HCRTR2: variants seen among roughly 807,000 people sequenced by gnomAD.
The protein encoded by HCRTR2 is hypocretin receptor 2.
A neutral mutation model predicts 49.0 loss-of-function variants in HCRTR2; 22 were observed. The observed-to-expected ratio is 0.45, with a 90% CI of 0.32 to 0.64. The LOEUF (loss-of-function observed/expected upper bound fraction) is 0.64. Ranked by LOEUF, HCRTR2 falls within the 30% of genes least tolerant of loss-of-function variation. HCRTR2 has a pLI of 0.04. For synonymous variants in HCRTR2, 236 were observed against 205.3 expected (o/e 1.15, Z -1.28); for missense variants, 491 against 559.4 (o/e 0.88, Z 1.23).
intron 1 of HCRTR2, among the ~76,000 whole-genome samples, chr6:55,117,619 A>G (rs1407246917): frequency 2.6e-5 from 4 of 151,348 alleles, no homozygotes; most frequent in Admixed American, 2.0e-4. Flanking sequence ...AACTATAATC[A>G]CCCTATTGTG....
chr6:55,192,409 GCGCGCACACA>G (rs1483183084), intron 1 of HCRTR2, among the ~76,000 whole-genome samples: 6,944 of 113,896 alleles, frequency 0.061, 199 homozygotes, highest in African/African-American at 0.12. Flanking sequence ...ACACGCGCGC[GCGCGCACACA>G]CACACACACA....
intron 1 of HCRTR2, among the ~76,000 whole-genome samples, chr6:55,237,083 T>C (rs1413374023): frequency 6.6e-6 from 1 of 152,152 alleles, no homozygotes; most frequent in Non-Finnish European, 1.5e-5. Flanking sequence ...TCTTTCTTTC[T>C]GTTAAATCTC....
chr6:55,212,277 C>T (rs1440100237), intron 1 of HCRTR2, among the ~76,000 whole-genome samples: 1 of 152,138 alleles, frequency 6.6e-6, no homozygotes, highest in Non-Finnish European at 1.5e-5. Context: ...TTGGAAATGA[C>T]TCCAAAGTAA....
At chr6:55,266,726 T>C (rs1766867461) in intron 4 of HCRTR2, among the ~76,000 whole-genome samples, 1 of 152,164 alleles carries the variant, frequency 6.6e-6, no homozygotes, top group South Asian at 2.1e-4. Context: ...TTTTACATGG[T>C]AAAACTTTAC....
chr6:55,235,047 A>G (rs1413937611), intron 1 of HCRTR2, among the ~76,000 whole-genome samples: 1 of 152,186 alleles, frequency 6.6e-6, no homozygotes, highest in Non-Finnish European at 1.5e-5. Context: ...TACAAACATA[A>G]TCATAAGTGA....
chr6:55,212,162 TA>T (rs1473531318), intron 1 of HCRTR2, among the ~76,000 whole-genome samples: 1 of 152,232 alleles, frequency 6.6e-6, no homozygotes, highest in Non-Finnish European at 1.5e-5. Flanking sequence ...GAAAGATGAA[TA>T]AGAGGTATCT....
At chr6:55,263,908 T>A in intron 4 of HCRTR2, 86 bp downstream of exon 4, 1 of 788,490 alleles carries the variant, frequency 1.3e-6, no homozygotes, top group Non-Finnish European at 2.1e-6. Flanking sequence ...TTGTCTGTGC[T>A]TTTTTTTTAG....
intron 2 of HCRTR2, among the ~76,000 whole-genome samples, chr6:55,254,788 A>G (rs1180977100): frequency 6.6e-6 from 1 of 151,180 alleles, no homozygotes; most frequent in Non-Finnish European, 1.5e-5. Context: ...ATATGAGGGT[A>G]TGATTTCTTC....
intron 4 of HCRTR2, among the ~76,000 whole-genome samples, chr6:55,264,741 C>A (rs1043565831): frequency 1.3e-5 from 2 of 151,984 alleles, no homozygotes; most frequent in African/African-American, 4.8e-5. Flanking sequence ...TCTTAAAATG[C>A]CACAATTCTT....
chr6:55,174,804 G>A lies in HCRTR2; in HGVS notation c.217G>A (p.Val73Ile). The A allele has an allele frequency of 2.5e-6, 4 of 1,613,762 alleles. No individual in the cohort carries two copies. The highest frequency in any genetic ancestry group is 3.4e-6 in the Non-Finnish European group (4 of 1,179,784). ...GTTCGTCGTGGCTCTCATTGGGAAC[G>A]TCCTGGGTGAGTCTCCTCCCGGGCA... is the stretch of plus-strand genomic sequence containing the variant. ...IVFVVALIGN[V>I]LVCVAVWKNH... is the part of the protein sequence containing the mutation. Residue 73 changes from valine to isoleucine, a missense_variant, in exon 1 of 7, where the codon GTC (valine) becomes ATC (isoleucine). Transcript: ENST00000370862.
At chr6:55,160,049 G>T (rs988464787) in intron 1 of HCRTR2, among the ~76,000 whole-genome samples, 3 of 152,122 alleles carry the variant, frequency 2.0e-5, no homozygotes, top group Non-Finnish European at 4.4e-5. Flanking sequence ...GATGCACCAA[G>T]GTTGAAATAC....
intron 1 of HCRTR2, among the ~76,000 whole-genome samples, chr6:55,246,652 A>C (rs1353034550): frequency 1.3e-5 from 2 of 152,082 alleles, no homozygotes; most frequent in African/African-American, 2.4e-5. Context: ...GATAACACTT[A>C]AATTGAAGAC....
At chr6:55,119,222 A>G (rs997308607) in intron 1 of HCRTR2, among the ~76,000 whole-genome samples, 1 of 151,994 alleles carries the variant, frequency 6.6e-6, no homozygotes, top group Non-Finnish European at 1.5e-5. Context: ...AGTCTTGGCT[A>G]TTGTGAATAG....
chr6:55,216,877 G>T (rs1055192087), intron 1 of HCRTR2, among the ~76,000 whole-genome samples: 3 of 152,210 alleles, frequency 2.0e-5, no homozygotes, highest in Non-Finnish European at 2.9e-5. Flanking sequence ...CCTGTGACAA[G>T]TCTCTGCCTG....
At chr6:55,218,878 C>T (rs965215899) in intron 1 of HCRTR2, among the ~76,000 whole-genome samples, 1 of 152,168 alleles carries the variant, frequency 6.6e-6, no homozygotes, top group Non-Finnish European at 1.5e-5. Flanking sequence ...GGCTGGAGGG[C>T]AATGGTACAA....
At chr6:55,212,033 G>A (rs924639395) in intron 1 of HCRTR2, among the ~76,000 whole-genome samples, 2 of 152,156 alleles carry the variant, frequency 1.3e-5, no homozygotes, top group African/African-American at 4.8e-5. Context: ...ACAACAAAAA[G>A]TGTTACATTA....
intron 1 of HCRTR2, among the ~76,000 whole-genome samples, chr6:55,125,458 T>A (rs1764260567): frequency 6.6e-6 from 1 of 152,246 alleles, no homozygotes; most frequent in African/African-American, 2.4e-5. Flanking sequence ...TCTTCTGGCT[T>A]GTAGGGTTTC....
chr6:55,232,234 A>G (rs1351311793), intron 1 of HCRTR2, among the ~76,000 whole-genome samples: 1 of 152,150 alleles, frequency 6.6e-6, no homozygotes, highest in African/African-American at 2.4e-5. Flanking sequence ...GGGTGTGAAT[A>G]TTAGTCAAAC....
chr6:55,110,055 G>T (rs1212416730), intron 1 of HCRTR2, among the ~76,000 whole-genome samples: 1 of 152,070 alleles, frequency 6.6e-6, no homozygotes, highest in Non-Finnish European at 1.5e-5. Context: ...GAAGGGATTG[G>T]GGTTCTATAT....
Sources: allele counts gnomAD v4.1 joint callset (sites outside exome capture counted in the v4.1 genomes callset), GRCh38; gene constraint gnomAD v4.1.1; transcripts MANE v1.5; gene names NCBI Gene and HGNC (gene_info 2026-07-23, HGNC 2026-07-21).